Variants in ERMP1 observed in about 807,000 individuals in gnomAD.
The protein encoded by ERMP1 is endoplasmic reticulum metallopeptidase 1.
ERMP1 carries 86 observed loss-of-function variants against 92.0 expected under a neutral mutation model. That is an observed-to-expected ratio of 0.93 (90% CI 0.79 to 1.12). The LOEUF is 1.12. ERMP1 is among the 50% of genes most tolerant of loss of function. The pLI is 0.00. For missense variants in ERMP1, 1,342 were observed against 1,116.3 expected (o/e 1.20, Z -2.88); for synonymous variants, 530 against 412.8 (o/e 1.28, Z -3.44).
chr9:5,809,989 A>C, intron 8 of ERMP1, 22 bp downstream of exon 8: 2 of 1,511,950 alleles, frequency 1.3e-6, no homozygotes, highest in Non-Finnish European at 1.8e-6. Context: ...GAAAGAAATC[A>C]ACAAATATAC....
chr9:5,788,684 T>C (rs1828041519), intron 13 of ERMP1, among the ~76,000 whole-genome samples: 1 of 151,406 alleles, frequency 6.6e-6, no homozygotes, highest in Non-Finnish European at 1.5e-5. Context: ...AAAAAAAGTA[T>C]CAGAAAATTC....
chr9:5,828,841 A>C (rs1453024200), intron 2 of ERMP1, among the ~76,000 whole-genome samples: 1 of 152,178 alleles, frequency 6.6e-6, no homozygotes, highest in Non-Finnish European at 1.5e-5. Context: ...CAGCCTTCTT[A>C]TATAATGTTC....
At chr9:5,799,292 G>A (rs895635808) in intron 11 of ERMP1, among the ~76,000 whole-genome samples, 1 of 152,156 alleles carries the variant, frequency 6.6e-6, no homozygotes, top group African/African-American at 2.4e-5. Context: ...TGTTAGAGCT[G>A]CTTTTAGATA....
rs1563754817 is a variant in ERMP1, at chr9:5,805,231, G to A, written c.1724-14C>T. On this transcript the variant is annotated splice_polypyrimidine_tract_variant and intron_variant, in intron 9 of 14. Coordinates refer to ENST00000339450, the MANE Select transcript of ERMP1 (RefSeq NM_024896.3). ...TTCCTTGGGCACCTAGGGAAAAAGA[G>A]AAAAAAAGCACACATCTATGAAATC... 14 of 1,580,084 alleles carry A rather than the reference G, an allele frequency of 8.9e-6. No homozygotes were observed. The highest frequency in any genetic ancestry group is 1.7e-4 in the Middle Eastern group (1 of 5,930).
chr9:5,808,063 AGT>A (rs1828936857), intron 8 of ERMP1, among the ~76,000 whole-genome samples: 1 of 152,156 alleles, frequency 6.6e-6, no homozygotes, highest in Non-Finnish European at 1.5e-5. Flanking sequence ...GGCCTCAAGC[AGT>A]CTTCCTGCCT....
At chr9:5,812,099 T>C in intron 6 of ERMP1, 26 bp downstream of exon 6, 1 of 1,394,642 alleles carries the variant, frequency 7.2e-7, no homozygotes, top group Non-Finnish European at 1.0e-6. Context: ...TTAGTGTATA[T>C]CAAAAGTCTA....
At chr9:5,816,007 C>G (rs1041936506) in intron 4 of ERMP1, among the ~76,000 whole-genome samples, 3 of 151,788 alleles carry the variant, frequency 2.0e-5, no homozygotes, top group African/African-American at 7.3e-5. Context: ...ACAGGTAAAG[C>G]CAAACTATCA....
chr9:5,814,751 A>G (rs1829239081), intron 4 of ERMP1, among the ~76,000 whole-genome samples: 1 of 152,186 alleles, frequency 6.6e-6, no homozygotes, highest in African/African-American at 2.4e-5. Flanking sequence ...ATTAAAAATT[A>G]AAAATGACCC....
intron 4 of ERMP1, among the ~76,000 whole-genome samples, chr9:5,817,650 C>T (rs1022496040): frequency 1.3e-5 from 2 of 152,208 alleles, no homozygotes; most frequent in Non-Finnish European, 2.9e-5. Context: ...CTTGTGTGTT[C>T]ATTTCTCAAG....
chr9:5,802,798 A>T (rs551598699), intron 10 of ERMP1, among the ~76,000 whole-genome samples: 2 of 152,312 alleles, frequency 1.3e-5, no homozygotes, highest in East Asian at 3.9e-4. Flanking sequence ...TGGGGTCAGG[A>T]GGAGAAGACT....
rs1292340521 is a variant in ERMP1, at chr9:5,842,659, T to C, written n.3200-9347A>G. Among the ~76,000 whole-genome samples the C allele has an allele frequency of 2.6e-5, 4 of 152,212 alleles. No individual in the cohort carries two copies. In the South Asian group the frequency reaches 6.2e-4, roughly 24 times the overall value. On this transcript the variant is annotated intron_variant and non_coding_transcript_variant, in intron 6 of 6. Transcript: ENST00000690753. ...AGTAGACTATAAAAAGAAGTCTTAATTCCAGAGACAAATGCCTCCCCAAGT... is the reference window on the plus strand; with the variant it reads ...AGTAGACTATAAAAAGAAGTCTTAACTCCAGAGACAAATGCCTCCCCAAGT...
chr9:5,827,886 G>C (rs922096906), intron 2 of ERMP1, among the ~76,000 whole-genome samples: 1 of 152,204 alleles, frequency 6.6e-6, no homozygotes, highest in Non-Finnish European at 1.5e-5. Flanking sequence ...GCTGAGGCAA[G>C]AGAATGGCGT....
At chr9:5,791,253 A>C (rs985963244) in intron 13 of ERMP1, 2 of 456,828 alleles carry the variant, frequency 4.4e-6, no homozygotes, top group Admixed American at 2.3e-5. Context: ...GAGGCTGGCA[A>C]GTCCAAAATC....
At chr9:5,789,548 A>G (rs1323246747) in intron 13 of ERMP1, among the ~76,000 whole-genome samples, 1 of 152,218 alleles carries the variant, frequency 6.6e-6, no homozygotes, top group Non-Finnish European at 1.5e-5. Flanking sequence ...AACTTCAGCA[A>G]AAGAACTTTT....
At chr9:5,790,169 CTTTTTTT>C (rs371493040) in intron 13 of ERMP1, among the ~76,000 whole-genome samples, 5 of 126,788 alleles carry the variant, frequency 3.9e-5, no homozygotes, top group Non-Finnish European at 6.8e-5. Flanking sequence ...AAAACAATAC[CTTTTTTT>C]TTTTTTTTTT....
chr9:5,860,612 A>ATTTTTTT (rs35003433), intron 5 of ERMP1, among the ~76,000 whole-genome samples: 1 of 135,682 alleles, frequency 7.4e-6, no homozygotes. Flanking sequence ...TCAGTCCACA[A>ATTTTTTT]TTTTTTTTTT....
At chr9:5,805,358 G>C in intron 9 of ERMP1, 141 bp from the exon 10 acceptor site, 1 of 697,024 alleles carries the variant, frequency 1.4e-6, no homozygotes, top group Non-Finnish European at 2.3e-6. Flanking sequence ...TGTTATCTTG[G>C]AGTAGGATCT....
At chr9:5,860,668 C>T (rs1249026493) in intron 5 of ERMP1, among the ~76,000 whole-genome samples, 2 of 148,084 alleles carry the variant, frequency 1.4e-5, no homozygotes, top group African/African-American at 5.0e-5. Context: ...AGGCTGGCCT[C>T]GAACTCCTGG....
Position 5,825,077 on chromosome 9 carries a change from A to G in ERMP1, c.768+15T>C. On this transcript the variant is annotated intron_variant, in intron 3 of 14. Transcript: ENST00000339450. The stretch of plus-strand genomic sequence containing the variant: ...TCCTTATTCAAGCCTGATATTTAAA[A>G]CAGTAAAATCTCACTTGCAAGACAT... 1 of 1,612,240 alleles carries G rather than the reference A, an allele frequency of 6.2e-7. No homozygotes were observed. The highest frequency in any genetic ancestry group is 1.1e-5 in the South Asian group (1 of 90,976).
Sources: allele counts gnomAD v4.1 joint callset (sites outside exome capture counted in the v4.1 genomes callset), GRCh38; gene constraint gnomAD v4.1.1; transcripts MANE v1.5; gene names NCBI Gene and HGNC (gene_info 2026-07-23, HGNC 2026-07-21).